The following SMOC1 variants were observed in gnomAD, a reference collection of about 807,000 sequenced individuals.
SMOC1 encodes SPARC related modular calcium binding 1.
A neutral mutation model predicts 56.3 loss-of-function variants in SMOC1; 22 were observed. The ratio of observed to expected loss-of-function variants is 0.39; its 90% CI spans 0.28 to 0.56. The LOEUF (loss-of-function observed/expected upper bound fraction) is 0.56. Among genes scored for constraint, SMOC1 ranks in the 20% least tolerant of loss-of-function variants. The probability of loss-of-function intolerance (pLI) is 0.61; values close to 1 mark genes in which losing one functional copy is unlikely to be tolerated. For synonymous variants in SMOC1, 193 were observed against 215.0 expected (o/e 0.90, Z 0.89); for missense variants, 509 against 565.4 (o/e 0.90, Z 1.01).
intron 3 of SMOC1, among the ~76,000 whole-genome samples, chr14:69,956,735 T>C: frequency 6.6e-6 from 1 of 152,130 alleles, no homozygotes; most frequent in East Asian, 1.9e-4. Context: ...TTTTCCCTTG[T>C]CCTCTTCCCT....
intron 7 of SMOC1, among the ~76,000 whole-genome samples, chr14:69,998,606 G>A (rs1437478998): frequency 6.6e-6 from 1 of 152,092 alleles, no homozygotes; most frequent in East Asian, 1.9e-4. Flanking sequence ...TTGACTATGT[G>A]CAGGCACTTT....
rs143888544 is a variant in SMOC1 at position 69,975,402 on chromosome 14, A to G, written c.379-313A>G. ...ATGGGAGCGTATGCCAGTGCTAGAG[A>G]AAACAAATGTACAGGTATTGGTGAG... is the stretch of plus-strand genomic sequence containing the variant. On this transcript the variant is annotated intron_variant, in intron 3 of 11. Transcript: ENST00000361956. Among the ~76,000 whole-genome samples the G allele has an allele frequency of 8.5e-5, 13 of 152,304 alleles. No homozygotes were observed. The East Asian group carries it at 2.5e-3, about 29-fold the overall frequency.
At chr14:70,003,016 C>A (rs1361857156) in intron 7 of SMOC1, among the ~76,000 whole-genome samples, 1 of 152,238 alleles carries the variant, frequency 6.6e-6, no homozygotes, top group Non-Finnish European at 1.5e-5. Context: ...AGTTCTGGAA[C>A]ACTCCCGACA....
chr14:69,998,525 T>C (rs750656925), intron 7 of SMOC1, among the ~76,000 whole-genome samples: 7 of 152,192 alleles, frequency 4.6e-5, no homozygotes, highest in Non-Finnish European at 8.8e-5. Context: ...TTACAGAAGA[T>C]AAAGATATGA....
intron 3 of SMOC1, among the ~76,000 whole-genome samples, chr14:69,961,587 G>T (rs1883382830): frequency 6.6e-6 from 1 of 151,796 alleles, no homozygotes; most frequent in African/African-American, 2.4e-5. Flanking sequence ...TTGCCATGTT[G>T]CCAAAGCTGT....
At chr14:69,952,763 G>T (rs1883050597) in intron 2 of SMOC1, among the ~76,000 whole-genome samples, 1 of 152,192 alleles carries the variant, frequency 6.6e-6, no homozygotes, top group Non-Finnish European at 1.5e-5. Context: ...AAATTGGAAG[G>T]TCTGGTAACA....
At chr14:69,911,372 T>C (rs1884551809) in intron 1 of SMOC1, among the ~76,000 whole-genome samples, 1 of 152,214 alleles carries the variant, frequency 6.6e-6, no homozygotes, top group East Asian at 1.9e-4. Flanking sequence ...TCAAAATTAA[T>C]ATACAGTAAA....
At chr14:69,900,468 G>T (rs151110733) in intron 1 of SMOC1, among the ~76,000 whole-genome samples, 44 of 152,314 alleles carry the variant, frequency 2.9e-4, no homozygotes, top group Admixed American at 5.9e-4. Flanking sequence ...AGTACATAAT[G>T]GACAGCACTT....
intron 7 of SMOC1, among the ~76,000 whole-genome samples, chr14:70,005,558 G>A (rs1297861710): frequency 6.6e-6 from 1 of 152,160 alleles, no homozygotes; most frequent in Admixed American, 6.5e-5. Flanking sequence ...GGTGACAAGG[G>A]GTGGACATGG....
intron 1 of SMOC1, among the ~76,000 whole-genome samples, chr14:69,931,207 C>T (rs572964600): frequency 3.4e-4 from 52 of 152,368 alleles, no homozygotes; most frequent in Admixed American, 7.2e-4. Context: ...CCTCTGTCTC[C>T]TGCGCACGCA....
chr14:69,957,851 C>T (rs1366792781), intron 3 of SMOC1, among the ~76,000 whole-genome samples: 2 of 152,066 alleles, frequency 1.3e-5, no homozygotes, highest in African/African-American at 4.8e-5. Context: ...TTTTTGAGCT[C>T]TGCTATATTG....
At chr14:69,955,126 A>G (rs1296504036) in intron 3 of SMOC1, among the ~76,000 whole-genome samples, 1 of 152,166 alleles carries the variant, frequency 6.6e-6, no homozygotes, top group African/African-American at 2.4e-5. Flanking sequence ...ATCCCCATTT[A>G]TAGATGATGC....
chr14:69,921,124 C>T (rs1793365535), intron 1 of SMOC1, among the ~76,000 whole-genome samples: 1 of 152,170 alleles, frequency 6.6e-6, no homozygotes, highest in African/African-American at 2.4e-5. Flanking sequence ...CACAGACTTC[C>T]CGCTGCAGGG....
In SMOC1 at chr14:70,010,747, C is replaced by T. The variant is rs776893918; in HGVS notation, c.665-7C>T. 3.7e-6 allele frequency: 6 copies of T among 1,614,034 alleles called. No individual in the cohort carries two copies. Among genetic ancestry groups the T allele is most frequent in the South Asian group, 1.1e-5 (1 of 91,090 alleles). On this transcript the variant is annotated splice_polypyrimidine_tract_variant and splice_region_variant and intron_variant, in intron 7 of 11. Transcript: ENST00000361956. Reference sequence around the variant, plus strand: ...ATAGTCACCACAGGCTGTGTCTTCTCTTGCAGAGAAAGTCTATTCGTGTGA... The same window carrying T: ...ATAGTCACCACAGGCTGTGTCTTCTTTTGCAGAGAAAGTCTATTCGTGTGA...
intron 1 of SMOC1, among the ~76,000 whole-genome samples, chr14:69,946,023 A>C (rs907596725): frequency 6.6e-6 from 1 of 152,220 alleles, no homozygotes; most frequent in Admixed American, 6.5e-5. Flanking sequence ...TAAAGAATTA[A>C]ACATCTCCTC....
chr14:69,928,787 T>A (rs1339118911), intron 1 of SMOC1, among the ~76,000 whole-genome samples: 1 of 152,202 alleles, frequency 6.6e-6, no homozygotes, highest in Non-Finnish European at 1.5e-5. Context: ...ATATTATATA[T>A]CTTCAAAGCC....
At chr14:69,955,034 T>C (rs1185516376) in intron 3 of SMOC1, among the ~76,000 whole-genome samples, 1 of 152,170 alleles carries the variant, frequency 6.6e-6, no homozygotes, top group African/African-American at 2.4e-5. Flanking sequence ...TAAACTGACG[T>C]TTGTTGCCGA....
At chr14:69,981,801 A>G (rs958447717) in intron 5 of SMOC1, among the ~76,000 whole-genome samples, 3 of 152,204 alleles carry the variant, frequency 2.0e-5, no homozygotes, top group Non-Finnish European at 4.4e-5. Flanking sequence ...ACCAAGGCCT[A>G]TGGATTTTTC....
chr14:69,880,577 C>T (rs982429719), intron 1 of SMOC1, among the ~76,000 whole-genome samples: 3 of 151,844 alleles, frequency 2.0e-5, no homozygotes, highest in Non-Finnish European at 2.9e-5. Flanking sequence ...CCCCGCAACA[C>T]CCCCCACCAA....
Sources: allele counts gnomAD v4.1 joint callset (sites outside exome capture counted in the v4.1 genomes callset), GRCh38; gene constraint gnomAD v4.1.1; transcripts MANE v1.5; gene names NCBI Gene and HGNC (gene_info 2026-07-23, HGNC 2026-07-21).